Variants in MARCHF1 observed in about 807,000 individuals in gnomAD.
MARCHF1 encodes membrane associated ring-CH-type finger 1.
Under a neutral mutation model 54.2 loss-of-function variants are expected in MARCHF1, and 40 were observed. The ratio of observed to expected loss-of-function variants is 0.74; its 90% CI spans 0.57 to 0.96. MARCHF1 has a LOEUF of 0.96. MARCHF1 is among the 40% of genes least tolerant of loss of function. MARCHF1 has a pLI of 0.00. For missense variants in MARCHF1, 586 were observed against 656.5 expected, an observed-to-expected ratio of 0.89 and a Z score of 1.17; for synonymous variants, 236 against 236.3, an observed-to-expected ratio of 1.00 and a Z score of 0.01.
At chr4:163,660,052 G>C (rs914028007) in intron 5 of MARCHF1, among the ~76,000 whole-genome samples, 3 of 151,834 alleles carry the variant, frequency 2.0e-5, no homozygotes, top group Non-Finnish European at 4.4e-5. Flanking sequence ...CTCATTACTG[G>C]GTATATACCC....
At chr4:163,930,295 G>C (rs1751642267) in intron 3 of MARCHF1, among the ~76,000 whole-genome samples, 1 of 151,576 alleles carries the variant, frequency 6.6e-6, no homozygotes, top group African/African-American at 2.4e-5. Context: ...GGGCACCAGA[G>C]ACCTAGAATT....
At chr4:163,541,374 T>TAA (rs1738719385) in intron 9 of MARCHF1, among the ~76,000 whole-genome samples, 1 of 152,234 alleles carries the variant, frequency 6.6e-6, no homozygotes, top group African/African-American at 2.4e-5. Context: ...TTGTTTTTGG[T>TAA]TTGTATTTTT....
At chr4:164,177,806 G>GAGACACACACACACACACAC (rs148681185) in intron 1 of MARCHF1, among the ~76,000 whole-genome samples, 3 of 149,202 alleles carry the variant, frequency 2.0e-5, no homozygotes, top group South Asian at 4.2e-4. Context: ...GTATGAAAGA[G>GAGACACACACACACACACAC]ACACACACAC....
chr4:163,559,897 A>C (rs1579063233), intron 8 of MARCHF1, among the ~76,000 whole-genome samples: 1 of 152,016 alleles, frequency 6.6e-6, no homozygotes. Context: ...CATGTCTTAA[A>C]ATTTCTTGCC....
intron 5 of MARCHF1, among the ~76,000 whole-genome samples, chr4:163,618,869 T>C (rs879610047): frequency 2.6e-5 from 4 of 152,224 alleles, no homozygotes; most frequent in South Asian, 2.1e-4. Context: ...TAGTGCCCAA[T>C]AGTGGGGTTC....
intron 4 of MARCHF1, among the ~76,000 whole-genome samples, chr4:163,776,948 T>C (rs1248009063): frequency 6.6e-6 from 1 of 152,202 alleles, no homozygotes; most frequent in Non-Finnish European, 1.5e-5. Flanking sequence ...ACAATGCCTT[T>C]GTACTCCCTT....
intron 3 of MARCHF1, among the ~76,000 whole-genome samples, chr4:163,956,189 C>T (rs1404911532): frequency 2.0e-5 from 3 of 152,064 alleles, no homozygotes; most frequent in Non-Finnish European, 4.4e-5. Flanking sequence ...TTATGTAAAT[C>T]TAAAATTGTT....
At chr4:163,735,157 GA>G (rs1206247115) in intron 4 of MARCHF1, among the ~76,000 whole-genome samples, 2 of 152,098 alleles carry the variant, frequency 1.3e-5, no homozygotes, top group African/African-American at 4.8e-5. Context: ...CCTTCTCAGA[GA>G]AAGCTTCCCT....
intron 2 of MARCHF1, among the ~76,000 whole-genome samples, chr4:164,010,352 C>T (rs1753395771): frequency 6.6e-6 from 1 of 151,838 alleles, no homozygotes; most frequent in Non-Finnish European, 1.5e-5. Flanking sequence ...CAGCCTCGGC[C>T]TCCCAAAGTG....
intron 4 of MARCHF1, among the ~76,000 whole-genome samples, chr4:163,714,819 G>C (rs1158464637): frequency 6.6e-6 from 1 of 152,028 alleles, no homozygotes; most frequent in Non-Finnish European, 1.5e-5. Flanking sequence ...ACAGGCACAT[G>C]TCACTTTGCC....
At chr4:164,165,378 C>G (rs1240720118) in intron 1 of MARCHF1, among the ~76,000 whole-genome samples, 1 of 151,924 alleles carries the variant, frequency 6.6e-6, no homozygotes, top group Non-Finnish European at 1.5e-5. Flanking sequence ...CTCTCTCTCT[C>G]TCTCTGCCTC....
chr4:163,665,799 T>C (rs560833214), intron 5 of MARCHF1, among the ~76,000 whole-genome samples: 3 of 152,290 alleles, frequency 2.0e-5, no homozygotes, highest in Admixed American at 6.5e-5. Flanking sequence ...CATTTTATTA[T>C]ACATTTGTCT....
At chr4:164,298,347 C>T (rs1281763855) in intron 1 of MARCHF1, among the ~76,000 whole-genome samples, 1 of 151,792 alleles carries the variant, frequency 6.6e-6, no homozygotes, top group Non-Finnish European at 1.5e-5. Context: ...CCTTAAGTAG[C>T]ACTTCTCTTC....
chr4:164,199,625 G>A (rs1731381775), intron 1 of MARCHF1, among the ~76,000 whole-genome samples: 1 of 135,914 alleles, frequency 7.4e-6, no homozygotes, highest in African/African-American at 3.0e-5. Context: ...GACAGAGCAG[G>A]ACTCTGTCAC....
chr4:163,955,826 T>C (rs1752221947), intron 3 of MARCHF1, among the ~76,000 whole-genome samples: 2 of 152,152 alleles, frequency 1.3e-5, no homozygotes, highest in South Asian at 4.1e-4. Flanking sequence ...GTCCAGTGAA[T>C]TGACAACTAA....
intron 8 of MARCHF1, among the ~76,000 whole-genome samples, chr4:163,554,051 G>A (rs1739203504): frequency 6.6e-6 from 1 of 152,136 alleles, no homozygotes; most frequent in African/African-American, 2.4e-5. Flanking sequence ...TTACCAAGAA[G>A]GGCTCACATT....
intron 1 of MARCHF1, among the ~76,000 whole-genome samples, chr4:164,156,743 T>C (rs1560931539): frequency 6.6e-6 from 1 of 152,110 alleles, no homozygotes; most frequent in Non-Finnish European, 1.5e-5. Context: ...TTCTTGTCAT[T>C]TTATAGGAGA....
chr4:163,778,190 T>G (rs1169295655), intron 4 of MARCHF1, among the ~76,000 whole-genome samples: 1 of 152,212 alleles, frequency 6.6e-6, no homozygotes, highest in East Asian at 1.9e-4. Context: ...TTTGGTTGTT[T>G]CATGAATTGG....
chr4:164,068,382 G>A lies in MARCHF1; in HGVS notation c.-248+43206C>T, dbSNP rs111985250. On this transcript the variant is annotated intron_variant, in intron 2 of 9. Coordinates refer to ENST00000514618, the MANE Select transcript of MARCHF1 (RefSeq NM_001394959.1). ...ACCGGAGCCGCCTCCCTCAGCTTGC[G>A]GGGAGGTGTGGAGGGAGAGGCATGG... Among the ~76,000 whole-genome samples, 920 of 152,228 alleles carry A rather than the reference G, an allele frequency of 6.0e-3. 18 individuals carry two copies. The highest frequency in any genetic ancestry group is 0.021 in the African/African-American group (884 of 41,546).
Sources: gnomAD v4.1 joint callset for allele counts (sites outside exome capture counted in the v4.1 genomes callset) on GRCh38, gnomAD v4.1.1 for gene constraint, MANE v1.5 for transcripts, NCBI Gene and HGNC (gene_info 2026-07-23, HGNC 2026-07-21) for gene names.